The following IL1RAPL2 variants were observed in gnomAD, a reference collection of about 807,000 sequenced individuals.
IL1RAPL2 encodes the protein X-linked interleukin-1 receptor accessory protein-like 2.
A neutral mutation model predicts 44.1 loss-of-function variants in IL1RAPL2; 3 were observed. The observed-to-expected ratio is 0.07, with a 90% confidence interval of 0.03 to 0.18. The LOEUF is 0.18. IL1RAPL2 is among the 10% of genes least tolerant of loss of function. IL1RAPL2 has a pLI of 1.00. For missense variants in IL1RAPL2, 391 were observed against 496.4 expected, an observed-to-expected ratio of 0.79 and a Z score of 2.02; for synonymous variants, 181 against 178.8, an observed-to-expected ratio of 1.01 and a Z score of -0.10.
In IL1RAPL2 at chrX:105,731,481, A is replaced by AAATT. The variant is rs1426401087; in HGVS notation, c.903-9063_903-9060dup. The stretch of plus-strand genomic sequence containing the variant: ...ACTGGGTATTTATCTAAAGAAAATG[A>AAATT]AATTAGTATCTCAAAGGCATACCTG... On this transcript the variant is annotated intron_variant, in intron 7 of 10. Transcript: ENST00000372582. Among the ~76,000 whole-genome samples the AAATT allele has an allele frequency of 1.7e-4, 19 of 110,660 alleles. No individual in the cohort carries two copies. The Admixed American group carries it at 1.7e-3, about 10-fold the overall frequency.
chrX:105,217,987 C>G (rs1399698629), intron 3 of IL1RAPL2, among the ~76,000 whole-genome samples: 1 of 110,827 alleles, frequency 9.0e-6, no homozygotes, highest in Non-Finnish European at 1.9e-5. Flanking sequence ...CGACAAATAT[C>G]TAACACATGC....
chrX:104,642,153 A>G (rs1483458327), intron 1 of IL1RAPL2, among the ~76,000 whole-genome samples: 1 of 111,582 alleles, frequency 9.0e-6, no homozygotes, highest in Non-Finnish European at 1.9e-5. Flanking sequence ...CAGGCAGCCT[A>G]CTTCTCTCCC....
At position 105,516,806 on chromosome X, in the gene IL1RAPL2, T is replaced by C. The variant is rs956215907; in HGVS notation, c.772+32419T>C. Among the ~76,000 whole-genome samples the C allele has an allele frequency of 4.0e-4, 45 of 111,856 alleles. 1 individual carries two copies. Among genetic ancestry groups the C allele is most frequent in the African/African-American group, 1.5e-3 (45 of 30,841 alleles). ...ACAAATAAATTTCATAGACGTTTTT[T>C]GCAAGGAGCTCACATCCAAGTAGAT... On this transcript the variant is annotated intron_variant, in intron 6 of 10. Coordinates refer to ENST00000372582, the MANE Select transcript of IL1RAPL2 (RefSeq NM_017416.2).
intron 5 of IL1RAPL2, among the ~76,000 whole-genome samples, chrX:105,385,423 G>A (rs2035469053): frequency 9.0e-6 from 1 of 111,201 alleles, no homozygotes; most frequent in Non-Finnish European, 1.9e-5. Context: ...GGGCAGAACT[G>A]AGATTAAAGT....
intron 2 of IL1RAPL2, among the ~76,000 whole-genome samples, chrX:104,700,454 T>C (rs1231576344): frequency 8.9e-6 from 1 of 112,125 alleles, no homozygotes; most frequent in Non-Finnish European, 1.9e-5. Flanking sequence ...CTTATTTTTC[T>C]CTTGACCATA....
intron 2 of IL1RAPL2, among the ~76,000 whole-genome samples, chrX:104,707,722 A>C (rs780862353): frequency 9.0e-6 from 1 of 111,731 alleles, no homozygotes; most frequent in South Asian, 3.7e-4. Context: ...GTTTAGAGGA[A>C]TTACAATGTG....
At chrX:105,546,378 T>G (rs968530189) in intron 6 of IL1RAPL2, among the ~76,000 whole-genome samples, 4 of 111,696 alleles carry the variant, frequency 3.6e-5, no homozygotes, top group Non-Finnish European at 7.5e-5. Flanking sequence ...AATTCCATAT[T>G]TATTTAGGAA....
intron 5 of IL1RAPL2, among the ~76,000 whole-genome samples, chrX:105,387,392 G>A (rs183388065): frequency 0.017 from 1,893 of 109,322 alleles, 16 homozygotes; most frequent in Non-Finnish European, 0.025. Flanking sequence ...ACACCACCAC[G>A]CCCGGCTAAT....
At chrX:105,403,644 G>A (rs763453682) in intron 5 of IL1RAPL2, among the ~76,000 whole-genome samples, 27 of 111,612 alleles carry the variant, frequency 2.4e-4, no homozygotes, top group Admixed American at 4.8e-4. Context: ...TGTCATTTTG[G>A]TTTAATGTTC....
At chrX:105,575,100 A>C (rs761614934) in intron 6 of IL1RAPL2, among the ~76,000 whole-genome samples, 65 of 112,132 alleles carry the variant, frequency 5.8e-4, no homozygotes, top group African/African-American at 2.1e-3. Context: ...CATCCAAAAT[A>C]TTGTCATCAC....
chrX:105,259,350 C>T (rs2034339205), intron 4 of IL1RAPL2, among the ~76,000 whole-genome samples: 1 of 111,612 alleles, frequency 9.0e-6, no homozygotes, highest in Non-Finnish European at 1.9e-5. Flanking sequence ...GGTGTGGCTT[C>T]CTCTCTCCTT....
chrX:105,020,168 G>T (rs181129502), intron 2 of IL1RAPL2, among the ~76,000 whole-genome samples: 264 of 103,175 alleles, frequency 2.6e-3, no homozygotes, highest in African/African-American at 9.4e-3. Flanking sequence ...GAGATTGGTG[G>T]GGGGGAGGGT....
At chrX:104,647,476 G>A (rs745850779) in intron 1 of IL1RAPL2, 91 of 578,419 alleles carry the variant, frequency 1.6e-4, no homozygotes, top group South Asian at 1.6e-3. Flanking sequence ...ACTCCTTCCC[G>A]AAGGTGGGAT....
intron 2 of IL1RAPL2, among the ~76,000 whole-genome samples, chrX:105,033,932 C>A (rs747263340): frequency 9.0e-6 from 1 of 111,338 alleles, no homozygotes; most frequent in South Asian, 3.8e-4. Context: ...TCTTTTTATT[C>A]TTTTTTCTCT....
intron 2 of IL1RAPL2, among the ~76,000 whole-genome samples, chrX:105,090,132 T>C (rs1398863697): frequency 3.6e-5 from 4 of 111,270 alleles, no homozygotes; most frequent in African/African-American, 9.8e-5. Flanking sequence ...ACATAATATC[T>C]AGGCTTCTTA....
chrX:104,789,425 C>G (rs905536007), intron 2 of IL1RAPL2, among the ~76,000 whole-genome samples: 4 of 111,457 alleles, frequency 3.6e-5, no homozygotes, highest in African/African-American at 1.3e-4. Context: ...AAATCTGACT[C>G]TGCTTGATGT....
At chrX:105,295,245 G>A (rs2034645707) in intron 5 of IL1RAPL2, among the ~76,000 whole-genome samples, 1 of 111,503 alleles carries the variant, frequency 9.0e-6, no homozygotes, top group African/African-American at 3.3e-5. Context: ...AGTAACATAT[G>A]GAAAATGTTT....
chrX:104,593,245 A>G (rs1240983543), intron 1 of IL1RAPL2, among the ~76,000 whole-genome samples: 1 of 111,800 alleles, frequency 8.9e-6, no homozygotes, highest in African/African-American at 3.2e-5. Flanking sequence ...CCTTTGACCA[A>G]ATAGCAATTT....
intron 6 of IL1RAPL2, among the ~76,000 whole-genome samples, chrX:105,496,396 C>T (rs1391333218): frequency 8.9e-6 from 1 of 112,315 alleles, no homozygotes; most frequent in Non-Finnish European, 1.9e-5. Context: ...TGTGTTGACA[C>T]TCTCTTAGCT....
Sources: allele counts gnomAD v4.1 joint callset (sites outside exome capture counted in the v4.1 genomes callset), GRCh38; gene constraint gnomAD v4.1.1; transcripts MANE v1.5; gene names NCBI Gene and HGNC (gene_info 2026-07-23, HGNC 2026-07-21).